Variants in IFI35 observed in about 807,000 individuals in gnomAD.
IFI35 encodes the protein interferon induced protein 35.
Under a neutral mutation model 28.6 loss-of-function variants are expected in IFI35, and 30 were observed. The ratio of observed to expected loss-of-function variants is 1.05; its 90% CI spans 0.79 to 1.43. IFI35 has a LOEUF of 1.43. Among genes scored for constraint, IFI35 ranks in the 40% most tolerant of loss-of-function variants. IFI35 has a pLI of 0.00. For synonymous variants in IFI35, 146 were observed against 154.8 expected (o/e 0.94, Z 0.42); for missense variants, 372 against 356.9 (o/e 1.04, Z -0.34).
Position 43,013,332 on chromosome 17 carries a change from C to T in IFI35, c.334C>T (p.Gln112Ter). The T allele has an allele frequency of 6.2e-7, 1 of 1,614,104 alleles. No homozygotes were observed. The highest frequency in any genetic ancestry group is 8.5e-7 in the Non-Finnish European group (1 of 1,180,018). ...CATGGAGGAGTGCCGGCTGCGGGTG[C>T]AGGTCCAGCCCTTGGAGCTGCCCAT... ...INMEECRLRVQVQPLELPMVT... is the reference protein window; with the variant it reads ...INMEECRLRV Residue 112 changes from glutamine to a stop codon, truncating the protein, a stop_gained, in exon 4 of 7, where the codon CAG becomes TAG. Transcript: ENST00000415816. LOFTEE classifies it high-confidence loss of function.
rs1567744053 is a variant in IFI35 at position 43,013,501 on chromosome 17, G to A, written c.401G>A (p.Arg134Lys). ...IQMSSQLSGR[R>K]VLVTGFPASL... ...ATGTCCAGCCAGTTGAGTGGCCGGA[G>A]GGTGTTGGTCACTGGATTTCCTGCC... Residue 134 changes from arginine to lysine, a missense_variant, in exon 5 of 7, where the codon AGG (arginine) becomes AAG (lysine). Physicochemically the swap from Arg to Lys is conservative, Grantham distance 26 (BLOSUM62 2). Transcript: ENST00000415816. 2 of 1,613,922 alleles carry A rather than the reference G, an allele frequency of 1.2e-6. No individual in the cohort carries two copies. The highest frequency in any genetic ancestry group is 1.7e-5 in the Admixed American group (1 of 59,992).
At chr17:43,011,786 T>C (rs1024387445) in intron 1 of IFI35, among the ~76,000 whole-genome samples, 3 of 152,214 alleles carry the variant, frequency 2.0e-5, no homozygotes, top group East Asian at 1.9e-4. Context: ...AAATTCCGGC[T>C]GCCCTTCACA....
chr17:43,011,633 G>A (rs1255411928), intron 1 of IFI35, among the ~76,000 whole-genome samples: 1 of 152,132 alleles, frequency 6.6e-6, no homozygotes, highest in Non-Finnish European at 1.5e-5. Context: ...TTCATCAGAC[G>A]GGCTTAGCAC....
intron 2 of IFI35, chr17:43,012,758 T>C (rs1028799997): frequency 7.4e-6 from 3 of 403,366 alleles, no homozygotes; most frequent in African/African-American, 6.2e-5. Flanking sequence ...AAAAAAGAGC[T>C]GGGGAGTTCT....
chr17:43,010,688 A>G (rs1182415517), intron 1 of IFI35, among the ~76,000 whole-genome samples: 1 of 151,990 alleles, frequency 6.6e-6, no homozygotes, highest in East Asian at 1.9e-4. Flanking sequence ...AATAGAACAA[A>G]CTCACACTGA....
At position 43,013,548 on chromosome 17, in the gene IFI35, G is replaced by C. The variant is rs1192224414; in HGVS notation, c.448G>C (p.Glu150Gln). Residue 150 changes from glutamate (E) to glutamine (Q), a missense_variant, in exon 5 of 7, where the codon GAG becomes CAG. Coordinates refer to ENST00000415816, the MANE Select transcript of IFI35 (RefSeq NM_001330230.2). ...TGCCAGCCTCAGGCTGAGTGAGGAGGAGCTGCTGGACAAGCTAGAGATCTT... is the reference window on the plus strand; with the variant it reads ...TGCCAGCCTCAGGCTGAGTGAGGAGCAGCTGCTGGACAAGCTAGAGATCTT... ...FPASLRLSEEELLDKLEIFFG... is the reference protein window; with the variant it reads ...FPASLRLSEEQLLDKLEIFFG... 2.5e-6 allele frequency: 4 copies of C among 1,614,158 alleles called. No homozygotes were observed. The highest frequency in any genetic ancestry group is 3.4e-6 in the Non-Finnish European group (4 of 1,180,020).
rs182267103 is a variant in IFI35, at chr17:43,013,927, T to C, written c.669+45T>C. On this transcript the variant is annotated intron_variant, in intron 6 of 6. Coordinates refer to ENST00000415816, the MANE Select transcript of IFI35 (RefSeq NM_001330230.2). ...AACAGGGGCTGGGCTGGGTAACCTG[T>C]CTGCCTGCCAGGAACTTGCCCAATG... 54 of 1,437,058 alleles carry C rather than the reference T, an allele frequency of 3.8e-5. 1 individual carries two copies. In the Admixed American group the frequency reaches 7.4e-4, roughly 20 times the overall value. The allele number at this position is 1,437,058 out of a possible 1,614,324, so 89.0% of individuals were successfully genotyped here.
In IFI35 at chr17:43,014,287, T is replaced by C. The variant is rs2050500944; in HGVS notation, c.849T>C (p.Ser283=). 1 of 1,565,062 alleles carries C rather than the reference T, an allele frequency of 6.4e-7. No homozygotes were observed. Among genetic ancestry groups the C allele is most frequent in the Non-Finnish European group, 8.6e-7 (1 of 1,157,180 alleles). The part of the protein sequence containing the change: ...QGQQGLAVFT[S]ESG ...AGCAGGGCCTAGCAGTCTTCACCTC[T>C]GAGTCAGGCTAGGGGCCTCCCCTTC... is the stretch of plus-strand genomic sequence containing the variant. Residue 283 remains serine, a synonymous_variant, in exon 7 of 7, where the codon TCT becomes TCC. Coordinates refer to ENST00000415816, the MANE Select transcript of IFI35 (RefSeq NM_001330230.2).
intron 1 of IFI35, among the ~76,000 whole-genome samples, chr17:43,010,369 G>T (rs1362866372): frequency 6.6e-6 from 1 of 152,200 alleles, no homozygotes; most frequent in Non-Finnish European, 1.5e-5. Flanking sequence ...CTCCAGCCTG[G>T]GTGGCATTGA....
rs771605420 is a variant in IFI35 at position 43,013,105 on chromosome 17, C to T, written c.179C>T (p.Pro60Leu). The part of the protein sequence containing the change: ...LVFRGHTQQD[P>L]EVPKSLVSNL... ...TTCCGAGGACACACCCAGCAGGACC[C>T]GGAAGTGCCTAAGTCTTTAGTTTCC... The change falls in exon 3 of 7, where the codon CCG becomes CTG. Residue 60 changes from proline to leucine, a missense_variant. Transcript: ENST00000415816. 17 of 1,613,932 alleles carry T rather than the reference C, an allele frequency of 1.1e-5. No individual in the cohort carries two copies. In the African/African-American group the frequency reaches 1.1e-4, roughly 10 times the overall value.
intron 1 of IFI35, 68 bp from the exon 2 acceptor site, chr17:43,012,111 T>A: frequency 8.3e-7 from 1 of 1,199,760 alleles, no homozygotes; most frequent in African/African-American, 1.5e-5. Context: ...TAGGCCCCAC[T>A]TCCCCTGGGC....
At chr17:43,012,948 T>C (rs2050474588) in intron 2 of IFI35, 99 bp from the exon 3 acceptor site, 3 of 1,277,478 alleles carry the variant, frequency 2.3e-6, no homozygotes, top group African/African-American at 1.5e-5. Context: ...TCAGTAAATG[T>C]ATTTATCTCC....
chr17:43,009,074 C>A lies in IFI35; in HGVS notation c.21+2106C>A, dbSNP rs1451575537. Among the ~76,000 whole-genome samples, 3 of 152,058 alleles carry A rather than the reference C, an allele frequency of 2.0e-5. No homozygotes were observed. The East Asian group carries it at 5.8e-4, about 30-fold the overall frequency. Reference sequence around the variant, plus strand: ...GCAGTGGCTGGATCATGGCTCACTGCAGCCACCTCCACCTCTAGGGATCAA... The same window carrying A: ...GCAGTGGCTGGATCATGGCTCACTGAAGCCACCTCCACCTCTAGGGATCAA... On this transcript the variant is annotated intron_variant, in intron 1 of 6. Transcript: ENST00000415816.
Position 43,014,375 on chromosome 17 carries a change from A to C in IFI35, c.*76A>C. The C allele has an allele frequency of 9.6e-7, 1 of 1,045,446 alleles. No homozygotes were observed. Among genetic ancestry groups the C allele is most frequent in the Non-Finnish European group, 1.4e-6 (1 of 728,694 alleles). The allele number at this position is 1,045,446 out of a possible 1,614,324, so 64.8% of individuals were successfully genotyped here. ...GCCTGGGCTTGGGTGCCCATATAGGAGGTCTGTATGTTCACCAACAGTGCG... is the reference window on the plus strand; with the variant it reads ...GCCTGGGCTTGGGTGCCCATATAGGCGGTCTGTATGTTCACCAACAGTGCG... On this transcript the variant is annotated 3_prime_UTR_variant, in exon 7 of 7. Coordinates refer to ENST00000415816, the MANE Select transcript of IFI35 (RefSeq NM_001330230.2).
chr17:43,012,299 T>C, intron 2 of IFI35, 22 bp downstream of exon 2: 1 of 1,545,718 alleles, frequency 6.5e-7, no homozygotes, highest in Non-Finnish European at 8.8e-7. Context: ...GATCTGGTGT[T>C]GTTTGGTAAA....
Position 43,006,845 on chromosome 17 carries a change from A to G in IFI35, c.-103A>G. ...TCGGGTCTTGCTGGGGCTGAGAGAGACCACAGCCCTTTGGGGGGTACAAAC... is the reference window on the plus strand; with the variant it reads ...TCGGGTCTTGCTGGGGCTGAGAGAGGCCACAGCCCTTTGGGGGGTACAAAC... On this transcript the variant is annotated 5_prime_UTR_variant, in exon 1 of 7. Coordinates refer to ENST00000415816, the MANE Select transcript of IFI35 (RefSeq NM_001330230.2). 4.0e-6 allele frequency: 5 copies of G among 1,247,098 alleles called. No individual in the cohort carries two copies. The highest frequency in any genetic ancestry group is 3.0e-5 in the African/African-American group (2 of 67,674). 77.3% of individuals were successfully genotyped at this position (1,247,098 alleles called of 1,614,324 possible).
chr17:43,007,091 G>A (rs2050414158), intron 1 of IFI35, 123 bp downstream of exon 1: 2 of 1,076,278 alleles, frequency 1.9e-6, no homozygotes, highest in Non-Finnish European at 2.9e-6. Flanking sequence ...CCTGCTGAAG[G>A]GCTGGGGAGA....
At position 43,013,258 on chromosome 17, in the gene IFI35, A is replaced by G; in HGVS notation, c.269-9A>G. 1 of 1,613,976 alleles carries G rather than the reference A, an allele frequency of 6.2e-7. No homozygotes were observed. The highest frequency in any genetic ancestry group is 1.1e-5 in the South Asian group (1 of 91,066). On this transcript the variant is annotated splice_polypyrimidine_tract_variant and intron_variant, in intron 3 of 6. Coordinates refer to ENST00000415816, the MANE Select transcript of IFI35 (RefSeq NM_001330230.2). ...GTTCCCAGTACTGACCCTGTTTCCC[A>G]CCACCCAGTGGCTGAGCAGGTGCTG... is the stretch of plus-strand genomic sequence containing the variant.
rs1350341984 is a variant in IFI35 at position 43,013,898 on chromosome 17, G to A, written c.669+16G>A. The A allele has an allele frequency of 3.9e-6, 6 of 1,544,492 alleles. No individual in the cohort carries two copies. Among genetic ancestry groups the A allele is most frequent in the African/African-American group, 2.7e-5 (2 of 73,146 alleles). Reference sequence around the variant, plus strand: ...GAAGGCTGAGGTAAGCAGGAGGGGTGAAGAACAGGGGCTGGGCTGGGTAAC... The same window carrying A: ...GAAGGCTGAGGTAAGCAGGAGGGGTAAAGAACAGGGGCTGGGCTGGGTAAC... On this transcript the variant is annotated intron_variant, in intron 6 of 6. Coordinates refer to ENST00000415816, the MANE Select transcript of IFI35 (RefSeq NM_001330230.2).
Sources: gnomAD v4.1 joint callset for allele counts (sites outside exome capture counted in the v4.1 genomes callset) on GRCh38, gnomAD v4.1.1 for gene constraint, MANE v1.5 for transcripts, NCBI Gene and HGNC (gene_info 2026-07-23, HGNC 2026-07-21) for gene names.